MYOD1: variants seen among roughly 807,000 people sequenced by gnomAD.
MYOD1 encodes myogenic differentiation 1, also known as myoblast determination protein 1.
MYOD1 carries 15 observed loss-of-function variants against 14.9 expected under a neutral mutation model. That is an observed-to-expected ratio of 1.01 (90% CI 0.67 to 1.55). The LOEUF (loss-of-function observed/expected upper bound fraction) is 1.55. Among genes scored for constraint, MYOD1 ranks in the 40% most tolerant of loss-of-function variants. The pLI is 0.00. For missense variants in MYOD1, 529 were observed against 482.6 expected, an observed-to-expected ratio of 1.10 and a Z score of -0.90; for synonymous variants, 235 against 218.6, an observed-to-expected ratio of 1.07 and a Z score of -0.66.
Position 17,720,175 on chromosome 11 carries a change from A to G in MYOD1, c.393A>G (p.Thr131=). ...GCAAAGTAAATGAGGCCTTTGAGAC[A>G]CTCAAGCGCTGCACGTCGAGCAATC... ...RLSKVNEAFE[T]LKRCTSSNPN... The change falls in exon 1 of 3, where the codon ACA becomes ACG. Residue 131 remains threonine (T), a synonymous_variant. Coordinates refer to ENST00000250003, the MANE Select transcript of MYOD1 (RefSeq NM_002478.5). The G allele has an allele frequency of 6.2e-7, 1 of 1,608,442 alleles. No homozygotes were observed. Among genetic ancestry groups the G allele is most frequent in the South Asian group, 1.1e-5 (1 of 90,518 alleles).
In MYOD1 at chr11:17,720,116, A is replaced by G; in HGVS notation, c.334A>G (p.Lys112Glu). 6.3e-7 allele frequency: 1 copy of G among 1,589,008 alleles called. No homozygotes were observed. The highest frequency in any genetic ancestry group is 2.3e-5 in the East Asian group (1 of 43,114). Reference sequence around the variant, plus strand: ...CAAGACCACCAACGCCGACCGCCGCAAGGCCGCCACCATGCGCGAGCGGCG... The same window carrying G: ...CAAGACCACCAACGCCGACCGCCGCGAGGCCGCCACCATGCGCGAGCGGCG... ...KRKTTNADRRKAATMRERRRL... is the reference protein window; with the variant it reads ...KRKTTNADRREAATMRERRRL... Residue 112 changes from lysine to glutamate, a missense_variant, in exon 1 of 3, where the codon AAG becomes GAG. Transcript: ENST00000250003.
rs1415925671 is a variant in MYOD1 at position 17,720,254 on chromosome 11, G to A, written c.472G>A (p.Glu158Lys). 6.2e-7 allele frequency: 1 copy of A among 1,605,728 alleles called. No homozygotes were observed. Among genetic ancestry groups the A allele is most frequent in the Non-Finnish European group, 8.5e-7 (1 of 1,177,538 alleles). ...CCTGCGCAACGCCATCCGCTATATC[G>A]AGGGCCTGCAGGCTCTGCTGCGCGA... The part of the protein sequence containing the change: ...EILRNAIRYI[E>K]GLQALLRDQD... The change falls in exon 1 of 3, where the codon GAG becomes AAG. Residue 158 changes from glutamate to lysine, a missense_variant. By Grantham distance (56) the Glu-to-Lys change is moderately conservative (BLOSUM62 1). Transcript: ENST00000250003.
chr11:17,721,046 A>G lies in MYOD1; in HGVS notation c.709+66A>G. 1 of 1,465,608 alleles carries G rather than the reference A, an allele frequency of 6.8e-7. No individual in the cohort carries two copies. The highest frequency in any genetic ancestry group is 2.5e-5 in the East Asian group (1 of 39,850). The allele number at this position is 1,465,608 out of a possible 1,614,324, so 90.8% of individuals were successfully genotyped here. A position where few individuals can be genotyped will look rare whatever the true frequency, so the allele number is the denominator to read the frequency against. On this transcript the variant is annotated intron_variant, in intron 2 of 2. Coordinates refer to ENST00000250003, the MANE Select transcript of MYOD1 (RefSeq NM_002478.5). This position sits in a 1 kb window ranked among gnomAD's most constrained non-coding sequence, Gnocchi z 6.2. The stretch of plus-strand genomic sequence containing the variant: ...CATGGAGCTGTCCTGGCCTCTATCT[A>G]GGACGCTCCCACCCCCACTCACACA...
chr11:17,721,775 G>C lies in MYOD1; in HGVS notation c.*267G>C. ...GCCAGAGCTGAACCTTGAGGGGCTAGGTTCAGCTTTCTCGCGCCCTCCCCC... is the reference window on the plus strand; with the variant it reads ...GCCAGAGCTGAACCTTGAGGGGCTACGTTCAGCTTTCTCGCGCCCTCCCCC... On this transcript the variant is annotated 3_prime_UTR_variant, in exon 3 of 3. Transcript: ENST00000250003. The surrounding 1 kb of genome is among the most constrained non-coding windows in gnomAD (Gnocchi z 6.2). 4.6e-6 allele frequency: 2 copies of C among 431,978 alleles called. No homozygotes were observed. Among genetic ancestry groups the C allele is most frequent in the Non-Finnish European group, 8.1e-6 (2 of 248,102 alleles). 26.8% of individuals were successfully genotyped at this position (431,978 alleles called of 1,614,324 possible).
rs1229138972 is a variant in MYOD1, at chr11:17,720,545, G to T, written c.630+133G>T. On this transcript the variant is annotated intron_variant, in intron 1 of 2. Transcript: ENST00000250003. ...CCTTCCCGAGAGAGAGGACCCCCTTGTCCTGGGCAGCTGTCACTGGGGTAG... is the reference window on the plus strand; with the variant it reads ...CCTTCCCGAGAGAGAGGACCCCCTTTTCCTGGGCAGCTGTCACTGGGGTAG... 1.3e-5 allele frequency: 16 copies of T among 1,263,750 alleles called. No homozygotes were observed. The East Asian group carries it at 4.1e-4, about 32-fold the overall frequency. The allele number at this position is 1,263,750 out of a possible 1,614,324, so 78.3% of individuals were successfully genotyped here.
At position 17,721,287 on chromosome 11, in the gene MYOD1, A is replaced by G; in HGVS notation, c.742A>G (p.Ser248Gly). 1.9e-6 allele frequency: 3 copies of G among 1,582,236 alleles called. No homozygotes were observed. The highest frequency in any genetic ancestry group is 2.6e-6 in the Non-Finnish European group (3 of 1,167,412). ...PRPGKSAAVS[S>G]LDCLSSIVER... ...GCCCGGGAAGAGTGCGGCGGTGTCG[A>G]GCCTAGACTGCCTGTCCAGCATCGT... Residue 248 changes from serine to glycine, a missense_variant, in exon 3 of 3, where the codon AGC becomes GGC. Transcript: ENST00000250003. This position sits in a 1 kb window ranked among gnomAD's most constrained non-coding sequence, Gnocchi z 6.2.
In MYOD1 at chr11:17,720,091, C is replaced by A; in HGVS notation, c.309C>A (p.Arg103=). The change falls in exon 1 of 3, where the codon CGC becomes CGA. Residue 103 remains arginine (R), a synonymous_variant. Coordinates refer to ENST00000250003, the MANE Select transcript of MYOD1 (RefSeq NM_002478.5). ...TGTGGGCCTGCAAGGCGTGCAAGCG[C>A]AAGACCACCAACGCCGACCGCCGCA... ...CLLWACKACK[R]KTTNADRRKA... The A allele has an allele frequency of 6.4e-7, 1 of 1,573,534 alleles. No homozygotes were observed.
Position 17,719,691 on chromosome 11 carries a change from A to G in MYOD1, c.-92A>G. 6 of 1,495,128 alleles carry G rather than the reference A, an allele frequency of 4.0e-6. No individual in the cohort carries two copies. Among genetic ancestry groups the G allele is most frequent in the Non-Finnish European group, 5.4e-6 (6 of 1,115,838 alleles). 92.6% of individuals were successfully genotyped at this position (1,495,128 alleles called of 1,614,324 possible). ...TCAGACTGCCAGCACTTTGCTATCT[A>G]CAGCCGGGGCTCCCGAGCGGCAGAA... On this transcript the variant is annotated 5_prime_UTR_variant, in exon 1 of 3. Coordinates refer to ENST00000250003, the MANE Select transcript of MYOD1 (RefSeq NM_002478.5).
At position 17,720,994 on chromosome 11, in the gene MYOD1, G is replaced by A. The variant is rs1008105153; in HGVS notation, c.709+14G>A. 2.5e-6 allele frequency: 4 copies of A among 1,570,088 alleles called. No homozygotes were observed. The African/African-American group carries it at 4.0e-5, about 16-fold the overall frequency. On this transcript the variant is annotated intron_variant, in intron 2 of 2. Coordinates refer to ENST00000250003, the MANE Select transcript of MYOD1 (RefSeq NM_002478.5). Reference sequence around the variant, plus strand: ...AGGCGCCCAGCGGTGGGTATTCCGGGCCTCTCCCTGCTCGCTCCTCCTCCT... The same window carrying A: ...AGGCGCCCAGCGGTGGGTATTCCGGACCTCTCCCTGCTCGCTCCTCCTCCT...
At position 17,722,040 on chromosome 11, in the gene MYOD1, T is replaced by G. The variant is rs1040127568; in HGVS notation, c.*532T>G. ...CTGTATTTATCTCTGAGGCATGGTG[T>G]GTGGTGCTACAGGGAATTTGTACGT... On this transcript the variant is annotated 3_prime_UTR_variant, in exon 3 of 3. Transcript: ENST00000250003. 2 of 203,600 alleles carry G rather than the reference T, an allele frequency of 9.8e-6. No individual in the cohort carries two copies. The highest frequency in any genetic ancestry group is 6.0e-5 in the Admixed American group (1 of 16,722). The allele number at this position is 203,600 out of a possible 1,614,324, so 12.6% of individuals were successfully genotyped here.
At position 17,721,261 on chromosome 11, in the gene MYOD1, G is replaced by A; in HGVS notation, c.716G>A (p.Arg239Lys). The change falls in exon 3 of 3, where the codon AGG becomes AAG. Residue 239 changes from arginine (R) to lysine (K), a missense_variant. Physicochemically the swap from Arg to Lys is conservative, Grantham distance 26 (BLOSUM62 2). Coordinates refer to ENST00000250003, the MANE Select transcript of MYOD1 (RefSeq NM_002478.5). The surrounding 1 kb of genome is among the most constrained non-coding windows in gnomAD (Gnocchi z 6.2). The stretch of plus-strand genomic sequence containing the variant: ...CCGAGCCCTCCCCGCGCAGAACCCA[G>A]GCCCGGGAAGAGTGCGGCGGTGTCG... ...AYYNEAPSEP[R>K]PGKSAAVSSL... 6.4e-7 allele frequency: 1 copy of A among 1,555,430 alleles called. No homozygotes were observed. Among genetic ancestry groups the A allele is most frequent in the Non-Finnish European group, 8.7e-7 (1 of 1,151,734 alleles).
chr11:17,721,067 A>C lies in MYOD1; in HGVS notation c.709+87A>C. ...ATCTAGGACGCTCCCACCCCCACTC[A>C]CACACGCCTATGTCCTGGGAAGTGG... is the stretch of plus-strand genomic sequence containing the variant. On this transcript the variant is annotated intron_variant, in intron 2 of 2. Coordinates refer to ENST00000250003, the MANE Select transcript of MYOD1 (RefSeq NM_002478.5). This position sits in a 1 kb window ranked among gnomAD's most constrained non-coding sequence, Gnocchi z 6.2. 1 of 1,420,390 alleles carries C rather than the reference A, an allele frequency of 7.0e-7. No individual in the cohort carries two copies. The highest frequency in any genetic ancestry group is 9.4e-7 in the Non-Finnish European group (1 of 1,069,120). 88.0% of individuals were successfully genotyped at this position (1,420,390 alleles called of 1,614,324 possible). A position where few individuals can be genotyped will look rare whatever the true frequency, so the allele number is the denominator to read the frequency against.
At position 17,721,385 on chromosome 11, in the gene MYOD1, GCGCAGGCAAGAGGCTGC is replaced by G; in HGVS notation, c.844_860del (p.Arg282ProfsTer135). ...CGGACGTGCCTTCTGAGTCGCCTCC[GCGCAGGCAAGAGGCTGC>G]CGCCCCCAGCGAGGGAGAGAGCAGC... On this transcript the variant is annotated frameshift_variant, in exon 3 of 3. Transcript: ENST00000250003. LOFTEE classifies it low-confidence loss of function (END_TRUNC). This position sits in a 1 kb window ranked among gnomAD's most constrained non-coding sequence, Gnocchi z 6.2. 1 of 1,596,366 alleles carries G rather than the reference GCGCAGGCAAGAGGCTGC, an allele frequency of 6.3e-7. No individual in the cohort carries two copies. The highest frequency in any genetic ancestry group is 8.5e-7 in the Non-Finnish European group (1 of 1,178,082).
At position 17,721,251 on chromosome 11, in the gene MYOD1, G is replaced by C. The variant is rs201759677; in HGVS notation, c.710-4G>C. ...TGCTTACTAACCGAGCCCTCCCCGC[G>C]CAGAACCCAGGCCCGGGAAGAGTGC... On this transcript the variant is annotated splice_polypyrimidine_tract_variant and splice_region_variant and intron_variant, in intron 2 of 2. Transcript: ENST00000250003. The surrounding 1 kb of genome is among the most constrained non-coding windows in gnomAD (Gnocchi z 6.2). 297 of 1,537,476 alleles carry C rather than the reference G, an allele frequency of 1.9e-4. No individual in the cohort carries two copies. The African/African-American group carries it at 3.7e-3, about 19-fold the overall frequency.
chr11:17,720,347 G>C lies in MYOD1; in HGVS notation c.565G>C (p.Gly189Arg), dbSNP rs1389374235. The stretch of plus-strand genomic sequence containing the variant: ...GCCGGGCCCGCTGCCCCCGGGCCGC[G>C]GCGGCGAGCACTACAGCGGCGACTC... ...YAPGPLPPGR[G>R]GEHYSGDSDA... The change falls in exon 1 of 3, where the codon GGC becomes CGC. Residue 189 changes from glycine to arginine, a missense_variant. By Grantham distance (125) the Gly-to-Arg change is moderately radical. Transcript: ENST00000250003. 6.5e-7 allele frequency: 1 copy of C among 1,535,978 alleles called. No individual in the cohort carries two copies. Among genetic ancestry groups the C allele is most frequent in the African/African-American group, 1.4e-5 (1 of 69,394 alleles).
chr11:17,720,883 T>G lies in MYOD1; in HGVS notation c.631-19T>G, dbSNP rs937820556. ...GAGCCGTCCCGCGGGCCTGACTCAGTCGCCCTTGCTGTTTGCAGATGGACT... is the reference window on the plus strand; with the variant it reads ...GAGCCGTCCCGCGGGCCTGACTCAGGCGCCCTTGCTGTTTGCAGATGGACT... On this transcript the variant is annotated intron_variant, in intron 1 of 2. Transcript: ENST00000250003. 2.5e-6 allele frequency: 4 copies of G among 1,607,312 alleles called. No individual in the cohort carries two copies. The highest frequency in any genetic ancestry group is 3.4e-6 in the Non-Finnish European group (4 of 1,177,504).
chr11:17,721,388 C>A lies in MYOD1; in HGVS notation c.843C>A (p.Arg281=), dbSNP rs1590084661. 3.1e-6 allele frequency: 5 copies of A among 1,597,002 alleles called. No individual in the cohort carries two copies. Among genetic ancestry groups the A allele is most frequent in the Non-Finnish European group, 2.5e-6 (3 of 1,178,256 alleles). ...ACGTGCCTTCTGAGTCGCCTCCGCG[C>A]AGGCAAGAGGCTGCCGCCCCCAGCG... The part of the protein sequence containing the change: ...LADVPSESPP[R]RQEAAAPSEG... The change falls in exon 3 of 3, where the codon CGC becomes CGA. Residue 281 remains arginine, a synonymous_variant. Coordinates refer to ENST00000250003, the MANE Select transcript of MYOD1 (RefSeq NM_002478.5). This position sits in a 1 kb window ranked among gnomAD's most constrained non-coding sequence, Gnocchi z 6.2.
In MYOD1 at chr11:17,720,290, G is replaced by A. The variant is rs199584989; in HGVS notation, c.508G>A (p.Ala170Thr). The change falls in exon 1 of 3, where the codon GCG becomes ACG. Residue 170 changes from alanine (A) to threonine (T), a missense_variant. Physicochemically the swap from Ala to Thr is moderately conservative, Grantham distance 58. Coordinates refer to ENST00000250003, the MANE Select transcript of MYOD1 (RefSeq NM_002478.5). ...LQALLRDQDAAPPGAAAAFYA... is the reference protein window; with the variant it reads ...LQALLRDQDATPPGAAAAFYA... ...GGCTCTGCTGCGCGACCAGGACGCC[G>A]CGCCCCCTGGCGCCGCAGCCGCCTT... The A allele has an allele frequency of 8.4e-5, 134 of 1,592,834 alleles. No homozygotes were observed. Among genetic ancestry groups the A allele is most frequent in the Non-Finnish European group, 1.1e-4 (126 of 1,173,144 alleles).
In MYOD1 at chr11:17,720,356, C is replaced by T. The variant is rs1311848703; in HGVS notation, c.574C>T (p.His192Tyr). Residue 192 changes from histidine (H) to tyrosine (Y), a missense_variant, in exon 1 of 3, where the codon CAC (histidine) becomes TAC (tyrosine). His to Tyr is a moderately conservative substitution (Grantham distance 83). Coordinates refer to ENST00000250003, the MANE Select transcript of MYOD1 (RefSeq NM_002478.5). ...GCTGCCCCCGGGCCGCGGCGGCGAG[C>T]ACTACAGCGGCGACTCCGACGCGTC... ...GPLPPGRGGE[H>Y]YSGDSDASSP... 5 of 1,545,638 alleles carry T rather than the reference C, an allele frequency of 3.2e-6. No homozygotes were observed. In the Admixed American group the frequency reaches 8.6e-5, roughly 26 times the overall value.
Sources: allele counts gnomAD v4.1 joint callset, GRCh38; gene constraint gnomAD v4.1.1; non-coding constraint Gnocchi (gnomAD v3.1); transcripts MANE v1.5; gene names NCBI Gene and HGNC (gene_info 2026-07-23, HGNC 2026-07-21).